Variants in CAT observed in about 807,000 individuals in gnomAD.
CAT encodes the protein catalase.
Under a neutral mutation model 59.0 loss-of-function variants are expected in CAT, and 43 were observed. That is an observed-to-expected ratio of 0.73 (90% CI 0.57 to 0.94). CAT has a LOEUF of 0.94. CAT is among the 40% of genes least tolerant of loss of function. The probability of loss-of-function intolerance (pLI) is 0.00; values close to 1 mark genes in which losing one functional copy is unlikely to be tolerated. For missense variants in CAT, 664 were observed against 682.9 expected (o/e 0.97, Z 0.31); for synonymous variants, 218 against 230.9 (o/e 0.94, Z 0.51).
At chr11:34,465,920 GA>G (rs1856709952) in intron 10 of CAT, among the ~76,000 whole-genome samples, 1 of 151,936 alleles carries the variant, frequency 6.6e-6, no homozygotes, top group South Asian at 2.1e-4. Flanking sequence ...AGAAGTGCAG[GA>G]AAAAAAAGTG....
chr11:34,443,405 C>T (rs774727710), intron 1 of CAT, among the ~76,000 whole-genome samples: 1 of 152,124 alleles, frequency 6.6e-6, no homozygotes, highest in Non-Finnish European at 1.5e-5. Flanking sequence ...TGAGTATGAC[C>T]TCGATCCACT....
chr11:34,446,201 T>C (rs1856452623), intron 1 of CAT, among the ~76,000 whole-genome samples: 1 of 152,174 alleles, frequency 6.6e-6, no homozygotes, highest in Non-Finnish European at 1.5e-5. Context: ...GGCTTCCCTT[T>C]TCTGTTGCTG....
chr11:34,459,342 G>A (rs1389364096), intron 8 of CAT, among the ~76,000 whole-genome samples: 2 of 152,148 alleles, frequency 1.3e-5, no homozygotes, highest in Non-Finnish European at 2.9e-5. Context: ...AGGCAGTGGC[G>A]GTTGATATAT....
chr11:34,450,437 A>G (rs1246175386), intron 2 of CAT, among the ~76,000 whole-genome samples: 6 of 152,206 alleles, frequency 3.9e-5, no homozygotes, highest in Non-Finnish European at 7.3e-5. Context: ...AGAGCTCCAC[A>G]GAAAGGAAGT....
intron 10 of CAT, among the ~76,000 whole-genome samples, chr11:34,466,515 C>T (rs953158609): frequency 1.4e-3 from 218 of 152,190 alleles, no homozygotes; most frequent in African/African-American, 4.7e-3. Context: ...CGGTGGCTCA[C>T]GCCTGTAATC....
intron 1 of CAT, among the ~76,000 whole-genome samples, chr11:34,446,661 A>G (rs1856459090): frequency 6.6e-6 from 1 of 152,150 alleles, no homozygotes; most frequent in Non-Finnish European, 1.5e-5. Context: ...TGGCATGTAA[A>G]TAACACTCTC....
chr11:34,461,309 A>T lies in CAT; in HGVS notation c.1115A>T (p.His372Leu), dbSNP rs779715008. 1 of 1,613,862 alleles carries T rather than the reference A, an allele frequency of 6.2e-7. No homozygotes were observed. The highest frequency in any genetic ancestry group is 8.5e-7 in the Non-Finnish European group (1 of 1,179,724). Residue 372 changes from histidine (H) to leucine (L), a missense_variant, in exon 9 of 13, where the codon CAT (histidine) becomes CTT (leucine). His to Leu is a moderately conservative substitution (Grantham distance 99). Coordinates refer to ENST00000241052, the MANE Select transcript of CAT (RefSeq NM_001752.4). ...CATCGCCTGGGACCCAATTATCTTC[A>T]TATACCTGTGAACTGTCCCTACCGT... ...HRHRLGPNYLHIPVNCPYRAR... is the reference protein window; with the variant it reads ...HRHRLGPNYLLIPVNCPYRAR...
intron 10 of CAT, among the ~76,000 whole-genome samples, chr11:34,467,389 C>A (rs905502426): frequency 1.2e-4 from 19 of 152,082 alleles, no homozygotes; most frequent in African/African-American, 4.1e-4. Flanking sequence ...TCGAAAATGT[C>A]TGATTAACTT....
At chr11:34,452,422 TA>T (rs1226703102) in intron 4 of CAT, among the ~76,000 whole-genome samples, 1 of 152,116 alleles carries the variant, frequency 6.6e-6, no homozygotes, top group Non-Finnish European at 1.5e-5. Context: ...CAGATTGACT[TA>T]ATGGGAAGTG....
At chr11:34,466,612 C>T (rs1364362633) in intron 10 of CAT, among the ~76,000 whole-genome samples, 1 of 151,302 alleles carries the variant, frequency 6.6e-6, no homozygotes, top group Non-Finnish European at 1.5e-5. Context: ...CCCGTCTCTA[C>T]TAAAAATACA....
At chr11:34,468,471 A>G in intron 11 of CAT, 76 bp downstream of exon 11, 1 of 1,032,422 alleles carries the variant, frequency 9.7e-7, no homozygotes, top group Non-Finnish European at 1.5e-6. Flanking sequence ...AACCCTAAAA[A>G]GAAAGTGCCA....
chr11:34,459,151 A>T (rs747410419), intron 8 of CAT, among the ~76,000 whole-genome samples: 2 of 152,184 alleles, frequency 1.3e-5, no homozygotes, highest in African/African-American at 4.8e-5. Context: ...GTGAGGAGCC[A>T]TACAGTTGGG....
intron 4 of CAT, 35 bp downstream of exon 4, chr11:34,452,242 T>G (rs1187971365): frequency 6.2e-7 from 1 of 1,604,496 alleles, no homozygotes; most frequent in South Asian, 1.1e-5. Flanking sequence ...CAACAAATGT[T>G]TGTTGACTTA....
chr11:34,454,961 T>C (rs1856572195), intron 6 of CAT, among the ~76,000 whole-genome samples: 1 of 152,170 alleles, frequency 6.6e-6, no homozygotes. Context: ...CCTGGAAAGA[T>C]TGGATTGCTT....
chr11:34,462,387 C>A (rs1856661790), intron 9 of CAT, among the ~76,000 whole-genome samples: 1 of 152,078 alleles, frequency 6.6e-6, no homozygotes, highest in African/African-American at 2.4e-5. Flanking sequence ...AGTCCCAACA[C>A]CCAAAGGTCA....
intron 6 of CAT, among the ~76,000 whole-genome samples, chr11:34,455,099 C>T (rs976253104): frequency 1.2e-4 from 18 of 152,194 alleles, no homozygotes; most frequent in African/African-American, 4.3e-4. Context: ...AAAGGTATTG[C>T]AGTGTTATTG....
At chr11:34,464,269 CCTG>C in intron 10 of CAT, 34 bp downstream of exon 10, 1 of 1,603,930 alleles carries the variant, frequency 6.2e-7, no homozygotes, top group South Asian at 1.1e-5. Flanking sequence ...ATGGAAGTCA[CCTG>C]CTAATTCTCC....
chr11:34,469,955 T>C (rs1856757093), intron 11 of CAT, among the ~76,000 whole-genome samples: 1 of 152,188 alleles, frequency 6.6e-6, no homozygotes, highest in African/African-American at 2.4e-5. Flanking sequence ...CGTGAGCCAC[T>C]GCGCCTGGCC....
At position 34,464,189 on chromosome 11, in the gene CAT, G is replaced by T. The variant is rs1489145289; in HGVS notation, c.1280G>T (p.Gly427Val). 1.2e-6 allele frequency: 2 copies of T among 1,614,004 alleles called. No homozygotes were observed. Among genetic ancestry groups the T allele is most frequent in the Admixed American group, 1.7e-5 (1 of 60,022 alleles). ...SALEHSIQYS[G>V]EVRRFNTAND... ...CTGGAGCACAGCATCCAATATTCTGGAGAAGTGCGGAGATTCAACACTGCC... is the reference window on the plus strand; with the variant it reads ...CTGGAGCACAGCATCCAATATTCTGTAGAAGTGCGGAGATTCAACACTGCC... The change falls in exon 10 of 13, where the codon GGA (glycine) becomes GTA (valine). Residue 427 changes from glycine to valine, a missense_variant. By Grantham distance (109) the Gly-to-Val change is moderately radical. Coordinates refer to ENST00000241052, the MANE Select transcript of CAT (RefSeq NM_001752.4).
Sources: allele counts gnomAD v4.1 joint callset (sites outside exome capture counted in the v4.1 genomes callset), GRCh38; gene constraint gnomAD v4.1.1; transcripts MANE v1.5; gene names NCBI Gene and HGNC (gene_info 2026-07-23, HGNC 2026-07-21).